The following ULK2 variants were observed in gnomAD, a reference collection of about 807,000 sequenced individuals.
ULK2 encodes serine/threonine-protein kinase ULK2.
ULK2 carries 76 observed loss-of-function variants against 127.5 expected under a neutral mutation model. That is an observed-to-expected ratio of 0.60 (90% CI 0.50 to 0.72). ULK2 has a LOEUF of 0.72. Among genes scored for constraint, ULK2 ranks in the 30% least tolerant of loss-of-function variants. The probability of loss-of-function intolerance (pLI) is 0.00; values close to 1 mark genes in which losing one functional copy is unlikely to be tolerated. For missense variants in ULK2, 1,144 were observed against 1,295.9 expected (o/e 0.88, Z 1.80); for synonymous variants, 452 against 461.9 (o/e 0.98, Z 0.28).
Position 19,780,544 on chromosome 17 carries a change from G to A in ULK2, c.2844C>T (p.Asp948=). 1.2e-6 allele frequency: 2 copies of A among 1,613,864 alleles called. No homozygotes were observed. The highest frequency in any genetic ancestry group is 1.7e-6 in the Non-Finnish European group (2 of 1,179,910). Residue 948 remains aspartate, a synonymous_variant, in exon 25 of 27, where the codon GAC becomes GAT. Coordinates refer to ENST00000395544, the MANE Select transcript of ULK2 (RefSeq NM_014683.4). The stretch of plus-strand genomic sequence containing the variant: ...TGATTTCATCAATAAACCTCTGTTT[G>A]TCAGAGAAGAATCGATTCAGCTTTT... The part of the protein sequence containing the change: ...LTEKLNRFFS[D]KQRFIDEINS...
chr17:19,836,334 G>A (rs1411921455), intron 10 of ULK2, among the ~76,000 whole-genome samples: 2 of 151,952 alleles, frequency 1.3e-5, no homozygotes, highest in Non-Finnish European at 2.9e-5. Flanking sequence ...GCTTGAACCC[G>A]GGAGACGGAG....
chr17:19,773,452 A>G lies in ULK2; in HGVS notation c.*2897T>C, dbSNP rs773986601. The stretch of plus-strand genomic sequence containing the variant: ...TGAGGGCAGAACTGCTGGGCTGGTA[A>G]TTCCTCTTGGTGGAGACAAAGGAAC... On this transcript the variant is annotated 3_prime_UTR_variant, in exon 27 of 27. Transcript: ENST00000395544. 1 of 152,106 alleles carries G rather than the reference A, an allele frequency of 6.6e-6. No individual in the cohort carries two copies. The highest frequency in any genetic ancestry group is 1.5e-5 in the Non-Finnish European group (1 of 68,044). The allele number at this position is 152,106 out of a possible 1,614,324, so 9.4% of individuals were successfully genotyped here. A position where few individuals can be genotyped will look rare whatever the true frequency, so the allele number is the denominator to read the frequency against.
intron 20 of ULK2, 95 bp from the exon 21 acceptor site, chr17:19,786,181 G>T: frequency 1.7e-6 from 2 of 1,203,630 alleles, no homozygotes; most frequent in Non-Finnish European, 2.2e-6. Context: ...TATATCAGGA[G>T]TCTAGTGGTT....
chr17:19,850,091 T>C (rs2041979217), intron 3 of ULK2, among the ~76,000 whole-genome samples: 1 of 152,152 alleles, frequency 6.6e-6, no homozygotes, highest in African/African-American at 2.4e-5. Flanking sequence ...ATGGTAAATT[T>C]ACAATGGGGA....
chr17:19,812,439 T>G (rs1467393443), intron 13 of ULK2, among the ~76,000 whole-genome samples: 1 of 152,186 alleles, frequency 6.6e-6, no homozygotes, highest in Non-Finnish European at 1.5e-5. Flanking sequence ...TGGGTCAAAA[T>G]GCTTTTAATA....
Position 19,845,176 on chromosome 17 carries a change from T to C in ULK2, c.543+128A>G, listed in dbSNP as rs571120038. On this transcript the variant is annotated intron_variant, in intron 7 of 26. Coordinates refer to ENST00000395544, the MANE Select transcript of ULK2 (RefSeq NM_014683.4). ...TATTATAGCATTATCAGTAATATAA[T>C]TAACATTAGTAATAACAACTTGGAC... The C allele has an allele frequency of 3.0e-4, 233 of 769,582 alleles. 1 individual carries two copies. Among genetic ancestry groups the C allele is most frequent in the African/African-American group, 7.0e-4 (40 of 57,058 alleles). The allele number at this position is 769,582 out of a possible 1,614,324, so 47.7% of individuals were successfully genotyped here.
intron 25 of ULK2, 108 bp from the exon 26 acceptor site, chr17:19,777,824 G>T: frequency 7.4e-7 from 1 of 1,355,084 alleles, no homozygotes; most frequent in Non-Finnish European, 9.9e-7. Context: ...AACACATTTT[G>T]GTAAAGTGAT....
chr17:19,823,266 CTT>C (rs2041206539), intron 12 of ULK2, among the ~76,000 whole-genome samples: 1 of 150,986 alleles, frequency 6.6e-6, no homozygotes, highest in Non-Finnish European at 1.5e-5. Flanking sequence ...CTAAAAAAGA[CTT>C]TCTCTTTCTC....
intron 10 of ULK2, among the ~76,000 whole-genome samples, chr17:19,838,083 T>C (rs1225376254): frequency 6.6e-6 from 1 of 152,192 alleles, no homozygotes; most frequent in African/African-American, 2.4e-5. Flanking sequence ...TTCCCACAGA[T>C]ATCCACATGG....
At chr17:19,814,452 T>TGTTGTTGTTGTTGTTTG (rs1183474234) in intron 13 of ULK2, among the ~76,000 whole-genome samples, 25 of 10,138 alleles carry the variant, frequency 2.5e-3, no homozygotes, top group African/African-American at 7.2e-3. Flanking sequence ...TTTTTTTTTT[T>TGTTGTTGTTGTTGTTTG]TTTTTTTTTT....
chr17:19,822,907 TG>T (rs2041192959), intron 12 of ULK2, among the ~76,000 whole-genome samples: 1 of 151,662 alleles, frequency 6.6e-6, no homozygotes, highest in Admixed American at 6.6e-5. Context: ...AGGACGGTCT[TG>T]ATATCCCGGT....
chr17:19,823,470 G>C (rs2041210739), intron 12 of ULK2, among the ~76,000 whole-genome samples: 1 of 151,886 alleles, frequency 6.6e-6, no homozygotes, highest in Admixed American at 6.6e-5. Context: ...CACCCCACAG[G>C]CTCCTTTATG....
At chr17:19,845,464 G>A in intron 6 of ULK2, 87 bp from the exon 7 acceptor site, 1 of 1,021,696 alleles carries the variant, frequency 9.8e-7, no homozygotes, top group Admixed American at 1.8e-5. Flanking sequence ...GACACAAGAA[G>A]GCACAAAGGA....
chr17:19,819,671 T>C (rs890316102), intron 12 of ULK2, among the ~76,000 whole-genome samples: 1 of 152,194 alleles, frequency 6.6e-6, no homozygotes, highest in African/African-American at 2.4e-5. Flanking sequence ...TCCAAAGCAC[T>C]GCTCCCCAAG....
At chr17:19,814,541 A>T (rs1028056655) in intron 13 of ULK2, among the ~76,000 whole-genome samples, 1 of 146,850 alleles carries the variant, frequency 6.8e-6, no homozygotes. Context: ...CAAACTCCCA[A>T]GCTGAGACTA....
At position 19,849,729 on chromosome 17, in the gene ULK2, G is replaced by C; in HGVS notation, c.258+13C>G. 7.0e-7 allele frequency: 1 copy of C among 1,433,040 alleles called. No individual in the cohort carries two copies. The highest frequency in any genetic ancestry group is 2.4e-5 in the East Asian group (1 of 41,872). 88.8% of individuals were successfully genotyped at this position (1,433,040 alleles called of 1,614,324 possible). A position where few individuals can be genotyped will look rare whatever the true frequency, so the allele number is the denominator to read the frequency against. On this transcript the variant is annotated intron_variant, in intron 4 of 26. Transcript: ENST00000395544. ...TTTGAAATAAATTAAACAGAAGTTT[G>C]TATACTACCTACCTCCATCACCAAA...
At chr17:19,861,064 CAAAAAAA>C (rs200551375) in intron 3 of ULK2, 1 of 138,756 alleles carries the variant, frequency 7.2e-6, no homozygotes, top group Non-Finnish European at 1.6e-5. Flanking sequence ...GACTTCTTCT[CAAAAAAA>C]AAAAGAAAAA....
At chr17:19,839,964 T>TAC (rs60058833) in intron 9 of ULK2, among the ~76,000 whole-genome samples, 9,191 of 147,626 alleles carry the variant, frequency 0.062, 443 homozygotes, top group African/African-American at 0.14. Context: ...TACACACACA[T>TAC]ACACACACAC....
intron 3 of ULK2, among the ~76,000 whole-genome samples, chr17:19,856,745 G>A (rs1330681027): frequency 6.6e-6 from 1 of 151,554 alleles, no homozygotes; most frequent in East Asian, 2.0e-4. Context: ...GGCCGAGGCG[G>A]GCAGATCACA....
Sources: allele counts gnomAD v4.1 joint callset (sites outside exome capture counted in the v4.1 genomes callset), GRCh38; gene constraint gnomAD v4.1.1; transcripts MANE v1.5; gene names NCBI Gene and HGNC (gene_info 2026-07-23, HGNC 2026-07-21).